APOOL: variants seen among roughly 807,000 people sequenced by gnomAD.
The protein encoded by APOOL is MICOS complex subunit MIC27.
In APOOL, 12 loss-of-function variants were observed where a neutral mutation model predicts 23.1. The observed-to-expected ratio is 0.52, with a 90% confidence interval of 0.33 to 0.84. The LOEUF (loss-of-function observed/expected upper bound fraction) is 0.84. APOOL is among the 40% of genes least tolerant of loss of function. The pLI is 0.02. For missense variants in APOOL, 212 were observed against 199.6 expected (o/e 1.06, Z -0.37); for synonymous variants, 77 against 69.9 (o/e 1.10, Z -0.51).
chrX:85,070,014 A>G (rs778372071), intron 6 of APOOL, among the ~76,000 whole-genome samples: 8 of 111,901 alleles, frequency 7.1e-5, no homozygotes, highest in African/African-American at 2.6e-4. Context: ...TATAAGTAAA[A>G]CTGATGCAGC....
At chrX:85,082,359 A>T (rs1924135854) in intron 8 of APOOL, among the ~76,000 whole-genome samples, 1 of 110,950 alleles carries the variant, frequency 9.0e-6, no homozygotes, top group Non-Finnish European at 1.9e-5. Flanking sequence ...CCTCAGCTGC[A>T]GGTATGTTGG....
chrX:85,026,725 G>T (rs1260557381), intron 1 of APOOL, among the ~76,000 whole-genome samples: 1 of 111,341 alleles, frequency 9.0e-6, no homozygotes, highest in Non-Finnish European at 1.9e-5. Context: ...CTTTACTAAG[G>T]CATAGCAAGG....
chrX:85,054,331 T>C lies in APOOL; in HGVS notation c.241-13T>C. 8.5e-7 allele frequency: 1 copy of C among 1,177,877 alleles called. No individual in the cohort carries two copies. Among genetic ancestry groups the C allele is most frequent in the African/African-American group, 1.8e-5 (1 of 56,629 alleles). ...AAAATGCAGATGTCTTCCCCCCCTT[T>C]TTTTTTGCTTAGGGTGTTTATGTCT... is the stretch of plus-strand genomic sequence containing the variant. On this transcript the variant is annotated splice_polypyrimidine_tract_variant and intron_variant, in intron 3 of 8. Coordinates refer to ENST00000373173, the MANE Select transcript of APOOL (RefSeq NM_198450.6).
intron 5 of APOOL, among the ~76,000 whole-genome samples, chrX:85,056,466 G>A (rs1269258038): frequency 9.0e-6 from 1 of 111,553 alleles, no homozygotes; most frequent in Admixed American, 9.5e-5. Flanking sequence ...ATTTTTGGCC[G>A]GGCACAGTGG....
intron 1 of APOOL, among the ~76,000 whole-genome samples, chrX:85,011,398 G>A (rs1241008331): frequency 8.9e-6 from 1 of 111,743 alleles, no homozygotes; most frequent in South Asian, 3.7e-4. Flanking sequence ...TCTTGGTCAT[G>A]AACTACTCTT....
At chrX:85,043,152 T>C (rs1922455017) in intron 1 of APOOL, among the ~76,000 whole-genome samples, 1 of 111,553 alleles carries the variant, frequency 9.0e-6, no homozygotes, top group African/African-American at 3.3e-5. Context: ...TTAGGACCTG[T>C]TATATTTTGT....
chrX:85,042,756 C>G (rs1922442087), intron 1 of APOOL, among the ~76,000 whole-genome samples: 1 of 111,832 alleles, frequency 8.9e-6, no homozygotes, highest in Non-Finnish European at 1.9e-5. Flanking sequence ...AGGATTTATC[C>G]TAGCGATGCA....
At chrX:85,042,466 C>G (rs989402208) in intron 1 of APOOL, among the ~76,000 whole-genome samples, 29 of 111,735 alleles carry the variant, frequency 2.6e-4, no homozygotes, top group Non-Finnish European at 1.7e-4. Context: ...AAAAATCTCC[C>G]CAGAAGGAAA....
chrX:85,066,790 A>T (rs1369329068), intron 5 of APOOL, among the ~76,000 whole-genome samples: 1 of 110,522 alleles, frequency 9.0e-6, no homozygotes, highest in Admixed American at 9.8e-5. Flanking sequence ...ATGCTTTATT[A>T]GATACTTGCA....
chrX:85,010,152 T>C (rs1404208268), intron 1 of APOOL, among the ~76,000 whole-genome samples: 1 of 111,795 alleles, frequency 8.9e-6, no homozygotes. Context: ...TAGCAATGAA[T>C]GAGACTTCCT....
intron 1 of APOOL, among the ~76,000 whole-genome samples, chrX:85,043,816 A>G (rs1409898480): frequency 8.9e-6 from 1 of 112,105 alleles, no homozygotes; most frequent in East Asian, 2.8e-4. Flanking sequence ...TACATGTGCA[A>G]AGAAAAATGA....
chrX:85,091,457 T>C lies in APOOL; in HGVS notation c.*3779T>C, dbSNP rs1924514868. The C allele has an allele frequency of 8.9e-6, 1 of 111,983 alleles. No individual in the cohort carries two copies. The highest frequency in any genetic ancestry group is 1.9e-5 in the Non-Finnish European group (1 of 53,242). The allele number at this position is 111,983 out of a possible 1,213,427, so 9.2% of individuals were successfully genotyped here. A position where few individuals can be genotyped will look rare whatever the true frequency, so the allele number is the denominator to read the frequency against. ...CACAATTTATGTAATTAATATTTTCTCACAGACAAGGTTCCTTGTGGATAT... is the reference window on the plus strand; with the variant it reads ...CACAATTTATGTAATTAATATTTTCCCACAGACAAGGTTCCTTGTGGATAT... On this transcript the variant is annotated 3_prime_UTR_variant, in exon 9 of 9. Coordinates refer to ENST00000373173, the MANE Select transcript of APOOL (RefSeq NM_198450.6).
rs141296320 is a variant in APOOL at position 85,084,198 on chromosome X, C to T, written c.719-3392C>T. ...TCACCCAGGCTGGAGTGCAGTGGTG[C>T]GATCTTGGCTCACTGTAACCTCTGC... On this transcript the variant is annotated intron_variant, in intron 8 of 8. Coordinates refer to ENST00000373173, the MANE Select transcript of APOOL (RefSeq NM_198450.6). Among the ~76,000 whole-genome samples, 479 of 95,044 alleles carry T rather than the reference C, an allele frequency of 5.0e-3. 4 individuals are homozygous for T. The highest frequency in any genetic ancestry group is 0.018 in the African/African-American group (448 of 24,617). The allele number at this position is 95,044 out of a possible 115,157, so 82.5% of individuals were successfully genotyped here. A position where few individuals can be genotyped will look rare whatever the true frequency, so the allele number is the denominator to read the frequency against.
intron 5 of APOOL, among the ~76,000 whole-genome samples, chrX:85,056,582 A>G (rs1922971587): frequency 9.1e-6 from 1 of 110,289 alleles, no homozygotes; most frequent in African/African-American, 3.3e-5. Context: ...TGTCTCTACT[A>G]AAAATACAAA....
chrX:85,021,896 A>G (rs1048554525), intron 1 of APOOL, among the ~76,000 whole-genome samples: 2 of 112,333 alleles, frequency 1.8e-5, no homozygotes, highest in Non-Finnish European at 3.8e-5. Flanking sequence ...CAAATCAGAA[A>G]TGAGGGAAGA....
rs769063803 is a variant in APOOL at position 85,087,895 on chromosome X, A to G, written c.*217A>G. 97 of 283,009 alleles carry G rather than the reference A, an allele frequency of 3.4e-4. No homozygotes were observed. Among genetic ancestry groups the G allele is most frequent in the African/African-American group, 2.6e-3 (90 of 35,170 alleles). The allele number at this position is 283,009 out of a possible 1,213,427, so 23.3% of individuals were successfully genotyped here. On this transcript the variant is annotated 3_prime_UTR_variant, in exon 9 of 9. Transcript: ENST00000373173. The stretch of plus-strand genomic sequence containing the variant: ...AAACAATATTAAATGATTGATGAGG[A>G]GACTTAGGTAGAAGTATTAGCTTGC...
chrX:85,028,189 T>C (rs1197314241), intron 1 of APOOL, among the ~76,000 whole-genome samples: 2 of 111,406 alleles, frequency 1.8e-5, no homozygotes, highest in Admixed American at 1.9e-4. Flanking sequence ...TAAAACAAGG[T>C]GTTGGCAGGC....
In APOOL at chrX:85,024,449, T is replaced by C. The variant is rs188412424; in HGVS notation, c.15+20522T>C. Among the ~76,000 whole-genome samples, 7 of 112,247 alleles carry C rather than the reference T, an allele frequency of 6.2e-5. No homozygotes were observed. In the Admixed American group the frequency reaches 6.6e-4, roughly 11 times the overall value. ...ATACCAAACTTTTAGTCTCCACTGA[T>C]TGCTGTTAGTTCTGTTGTTTTTGAT... On this transcript the variant is annotated intron_variant, in intron 1 of 8. Coordinates refer to ENST00000373173, the MANE Select transcript of APOOL (RefSeq NM_198450.6).
intron 1 of APOOL, among the ~76,000 whole-genome samples, chrX:85,030,753 G>T (rs900533552): frequency 1.8e-5 from 2 of 110,805 alleles, no homozygotes; most frequent in Non-Finnish European, 3.8e-5. Context: ...TGGAGACTCC[G>T]AAGGGGCAGA....
Sources: gnomAD v4.1 joint callset for allele counts (sites outside exome capture counted in the v4.1 genomes callset) on GRCh38, gnomAD v4.1.1 for gene constraint, MANE v1.5 for transcripts, NCBI Gene and HGNC (gene_info 2026-07-23, HGNC 2026-07-21) for gene names.